The following DBF4 variants were observed in gnomAD, a reference collection of about 807,000 sequenced individuals.
The protein encoded by DBF4 is protein DBF4 homolog A.
In DBF4, 25 loss-of-function variants were observed where a neutral mutation model predicts 76.6. The observed-to-expected ratio is 0.33, with a 90% CI of 0.24 to 0.46. The LOEUF (loss-of-function observed/expected upper bound fraction) is 0.46. Ranked by LOEUF, DBF4 falls within the 20% of genes least tolerant of loss-of-function variation. DBF4 has a pLI of 1.00. For synonymous variants in DBF4, 213 were observed against 258.0 expected, an observed-to-expected ratio of 0.83 and a Z score of 1.67; for missense variants, 638 against 760.8, an observed-to-expected ratio of 0.84 and a Z score of 1.90.
chr7:87,909,200 A>C lies in DBF4; in HGVS notation c.*1037A>C, dbSNP rs1839983639. The C allele has an allele frequency of 6.6e-6, 1 of 152,230 alleles. No individual in the cohort carries two copies. The highest frequency in any genetic ancestry group is 2.4e-5 in the African/African-American group (1 of 41,454). 9.4% of individuals were successfully genotyped at this position (152,230 alleles called of 1,614,324 possible). A position where few individuals can be genotyped will look rare whatever the true frequency, so the allele number is the denominator to read the frequency against. On this transcript the variant is annotated 3_prime_UTR_variant, in exon 12 of 12. Transcript: ENST00000265728. ...TTGCCTTGATCTGGCACTTACTGAT[A>C]CAAGCATTTGGAGAAGAGAAAATTC... is the stretch of plus-strand genomic sequence containing the variant.
At chr7:87,894,285 A>C (rs1001530205) in intron 6 of DBF4, among the ~76,000 whole-genome samples, 1 of 152,084 alleles carries the variant, frequency 6.6e-6, no homozygotes, top group Non-Finnish European at 1.5e-5. Flanking sequence ...GTGAAACCCC[A>C]TCTCTACAAA....
Position 87,904,402 on chromosome 7 carries a change from A to G in DBF4, c.1035A>G (p.Thr345=). 2 of 1,611,648 alleles carry G rather than the reference A, an allele frequency of 1.2e-6. No homozygotes were observed. Among genetic ancestry groups the G allele is most frequent in the Non-Finnish European group, 1.7e-6 (2 of 1,179,206 alleles). Residue 345 remains threonine (T), a synonymous_variant, in exon 11 of 12, where the codon ACA becomes ACG. Coordinates refer to ENST00000265728, the MANE Select transcript of DBF4 (RefSeq NM_006716.4). ...VFDFVEYEKD[T]PKKKRIKYSV... Reference sequence around the variant, plus strand: ...ACTTTGTGGAATATGAAAAGGACACACCTAAAAAGAAAAGGTAATTAGTTT... The same window carrying G: ...ACTTTGTGGAATATGAAAAGGACACGCCTAAAAAGAAAAGGTAATTAGTTT...
chr7:87,892,468 G>A (rs2131058329), intron 6 of DBF4, among the ~76,000 whole-genome samples: 1 of 152,258 alleles, frequency 6.6e-6, no homozygotes, highest in African/African-American at 2.4e-5. Flanking sequence ...ATGCAGCACA[G>A]TTTATCCATT....
At chr7:87,906,050 T>C (rs1028442545) in intron 11 of DBF4, among the ~76,000 whole-genome samples, 36 of 151,410 alleles carry the variant, frequency 2.4e-4, no homozygotes, top group Admixed American at 7.2e-4. Context: ...CCCAACTACT[T>C]AGGAGGCTGA....
At chr7:87,900,046 A>T (rs1839735834) in intron 8 of DBF4, among the ~76,000 whole-genome samples, 175 bp from the exon 9 acceptor site, 1 of 152,154 alleles carries the variant, frequency 6.6e-6, no homozygotes, top group Non-Finnish European at 1.5e-5. Context: ...ACCACAATTT[A>T]AAAAATGTTT....
In DBF4 at chr7:87,876,567, C is replaced by G; in HGVS notation, c.-166C>G. On this transcript the variant is annotated 5_prime_UTR_variant, in exon 1 of 12. Transcript: ENST00000265728. ...TCCGCGCCTTGGAGCCGGATCCGGC[C>G]CCGGAAACCCGACCTGCAGACGCGG... The G allele has an allele frequency of 1.4e-6, 1 of 702,582 alleles. No individual in the cohort carries two copies. Among genetic ancestry groups the G allele is most frequent in the East Asian group, 2.7e-5 (1 of 36,712 alleles). The allele number at this position is 702,582 out of a possible 1,614,324, so 43.5% of individuals were successfully genotyped here. A position where few individuals can be genotyped will look rare whatever the true frequency, so the allele number is the denominator to read the frequency against.
intron 6 of DBF4, among the ~76,000 whole-genome samples, chr7:87,891,113 A>T (rs1839474248): frequency 1.3e-5 from 2 of 150,972 alleles, no homozygotes; most frequent in Non-Finnish European, 2.9e-5. Context: ...AAATATGGTA[A>T]TTGGATAAAG....
At chr7:87,885,249 T>C in intron 3 of DBF4, 91 bp downstream of exon 3, 2 of 1,124,002 alleles carry the variant, frequency 1.8e-6, no homozygotes, top group South Asian at 3.4e-5. Context: ...AGAGTTTACT[T>C]ATGTAGAACA....
chr7:87,881,073 T>A (rs1474131042), intron 2 of DBF4, among the ~76,000 whole-genome samples: 5 of 152,220 alleles, frequency 3.3e-5, no homozygotes, highest in Non-Finnish European at 7.3e-5. Context: ...AACAAATGTT[T>A]GAGTATGATG....
chr7:87,900,172 T>C (rs773650876), intron 8 of DBF4, 49 bp from the exon 9 acceptor site: 3 of 1,445,300 alleles, frequency 2.1e-6, no homozygotes, highest in Non-Finnish European at 2.8e-6. Context: ...TTAAACCTTT[T>C]TTCTTTAATC....
rs567990265 is a variant in DBF4, at chr7:87,879,473, A to G, written c.219+1248A>G. ...TTCTAGGCCTGCCACCCTATTGACT[A>G]TACACCTATTAAGAGTATCTTAATG... On this transcript the variant is annotated intron_variant, in intron 2 of 11. Coordinates refer to ENST00000265728, the MANE Select transcript of DBF4 (RefSeq NM_006716.4). Among the ~76,000 whole-genome samples, 9 of 152,328 alleles carry G rather than the reference A, an allele frequency of 5.9e-5. No individual in the cohort carries two copies. In the East Asian group the frequency reaches 1.7e-3, roughly 29 times the overall value.
At chr7:87,887,919 A>G in intron 5 of DBF4, 64 bp from the exon 6 acceptor site, 1 of 1,394,498 alleles carries the variant, frequency 7.2e-7, no homozygotes, top group Admixed American at 2.5e-5. Context: ...ACTACAAGAA[A>G]ATATCACTGT....
chr7:87,878,553 G>A (rs1839127427), intron 2 of DBF4: 3 of 192,202 alleles, frequency 1.6e-5, no homozygotes, highest in Non-Finnish European at 3.2e-5. Context: ...ATCTTGGGGA[G>A]CTACATAAGT....
At chr7:87,888,324 G>A (rs1334175694) in intron 6 of DBF4, 10 of 984,762 alleles carry the variant, frequency 1.0e-5, no homozygotes, top group Non-Finnish European at 1.2e-5. Context: ...TATTTATTCT[G>A]TAGAAAAATC....
intron 10 of DBF4, among the ~76,000 whole-genome samples, chr7:87,901,185 A>G (rs1839778528): frequency 6.6e-6 from 1 of 152,200 alleles, no homozygotes; most frequent in Admixed American, 6.5e-5. Flanking sequence ...ATAAAAATAT[A>G]GAGAGAGAAT....
chr7:87,886,713 CAA>C (rs1839364546), intron 3 of DBF4, 129 bp from the exon 4 acceptor site: 2 of 619,628 alleles, frequency 3.2e-6, no homozygotes, highest in East Asian at 3.0e-5. Context: ...ACTACAAAAC[CAA>C]AGAGGTCACC....
chr7:87,885,406 A>G (rs970695505), intron 3 of DBF4, among the ~76,000 whole-genome samples: 2 of 152,210 alleles, frequency 1.3e-5, no homozygotes, highest in Non-Finnish European at 2.9e-5. Context: ...TGTAGTTTTT[A>G]GAATAATTTA....
At chr7:87,901,124 G>T (rs1327985561) in intron 10 of DBF4, among the ~76,000 whole-genome samples, 1 of 152,122 alleles carries the variant, frequency 6.6e-6, no homozygotes, top group Non-Finnish European at 1.5e-5. Context: ...ATATTCTGTA[G>T]GGTAGGGGTG....
chr7:87,902,136 A>G (rs1839804489), intron 10 of DBF4, among the ~76,000 whole-genome samples: 1 of 152,198 alleles, frequency 6.6e-6, no homozygotes, highest in Non-Finnish European at 1.5e-5. Flanking sequence ...AATAATCTGG[A>G]ATGGATGCTT....
Sources: allele counts gnomAD v4.1 joint callset (sites outside exome capture counted in the v4.1 genomes callset), GRCh38; gene constraint gnomAD v4.1.1; transcripts MANE v1.5; gene names NCBI Gene and HGNC (gene_info 2026-07-23, HGNC 2026-07-21).